Variants in DLG2 observed in about 807,000 individuals in gnomAD.
DLG2 encodes the protein discs large MAGUK scaffold protein 2, also known as disks large homolog 2.
In DLG2, 45 loss-of-function variants were observed where a neutral mutation model predicts 132.5. The observed-to-expected ratio is 0.34, with a 90% CI of 0.27 to 0.44. DLG2 has a LOEUF of 0.44. Among genes scored for constraint, DLG2 ranks in the 20% least tolerant of loss-of-function variants. The pLI, the probability that DLG2 is intolerant of heterozygous loss-of-function variation, is 1.00. For synonymous variants in DLG2, 424 were observed against 419.6 expected (o/e 1.01, Z -0.13); for missense variants, 1,045 against 1,196.9 (o/e 0.87, Z 1.87).
At chr11:84,477,354 G>A (rs1345844538) in intron 7 of DLG2, among the ~76,000 whole-genome samples, 1 of 151,940 alleles carries the variant, frequency 6.6e-6, no homozygotes, top group Non-Finnish European at 1.5e-5. Flanking sequence ...AATTGGCCAG[G>A]CATGGTGGTA....
intron 7 of DLG2, among the ~76,000 whole-genome samples, chr11:84,427,000 T>G (rs1286547464): frequency 1.3e-5 from 2 of 152,114 alleles, no homozygotes; most frequent in Non-Finnish European, 2.9e-5. Context: ...TTCCAACTAG[T>G]TAAAGAAAGA....
intron 21 of DLG2, among the ~76,000 whole-genome samples, chr11:83,511,073 A>AACACAC (rs142149345): frequency 9.0e-5 from 8 of 88,410 alleles, no homozygotes; most frequent in African/African-American, 3.2e-4. Context: ...CACTTGCTCA[A>AACACAC]ACACACACAC....
At chr11:84,403,023 ATG>A (rs2098836151) in intron 7 of DLG2, among the ~76,000 whole-genome samples, 1 of 151,544 alleles carries the variant, frequency 6.6e-6, no homozygotes, top group African/African-American at 2.4e-5. Flanking sequence ...TGGCTAGAGG[ATG>A]GAGTGGTATA....
chr11:83,673,939 C>T (rs2077268383), intron 18 of DLG2, among the ~76,000 whole-genome samples: 1 of 152,252 alleles, frequency 6.6e-6, no homozygotes, highest in Non-Finnish European at 1.5e-5. Flanking sequence ...CCTGACCTGT[C>T]TTTCCAGACA....
intron 7 of DLG2, among the ~76,000 whole-genome samples, chr11:84,477,537 C>T (rs2099125086): frequency 6.6e-6 from 1 of 151,968 alleles, no homozygotes; most frequent in Admixed American, 6.6e-5. Context: ...ACTTCCTCTC[C>T]AAAACCATTA....
intron 19 of DLG2, among the ~76,000 whole-genome samples, chr11:83,580,647 T>A (rs910624176): frequency 3.3e-5 from 5 of 152,202 alleles, no homozygotes; most frequent in African/African-American, 1.2e-4. Flanking sequence ...GGGTGATATA[T>A]TTGTCTACTT....
Position 83,500,316 on chromosome 11 carries a change from C to T in DLG2, c.2194-16088G>A, listed in dbSNP as rs921928518. On this transcript the variant is annotated intron_variant, in intron 21 of 27. Transcript: ENST00000376104. Reference sequence around the variant, plus strand: ...TTAGGCAAGCCTTCTAACAAGGTGCCGTCATTCTGAACACAGGGCTTTGGC... The same window carrying T: ...TTAGGCAAGCCTTCTAACAAGGTGCTGTCATTCTGAACACAGGGCTTTGGC... Among the ~76,000 whole-genome samples the T allele has an allele frequency of 5.3e-5, 8 of 151,924 alleles. No individual in the cohort carries two copies. The South Asian group carries it at 8.3e-4, about 16-fold the overall frequency.
At chr11:85,076,183 T>C (rs112329911) in intron 6 of DLG2, among the ~76,000 whole-genome samples, 1 of 152,106 alleles carries the variant, frequency 6.6e-6, no homozygotes, top group Non-Finnish European at 1.5e-5. Context: ...TCAAAAAGCT[T>C]ATCAGTCTTG....
At chr11:84,531,459 T>A (rs2099340268) in intron 7 of DLG2, among the ~76,000 whole-genome samples, 1 of 152,194 alleles carries the variant, frequency 6.6e-6, no homozygotes, top group Non-Finnish European at 1.5e-5. Flanking sequence ...CCTGCACATG[T>A]ACCACTGTAC....
intron 7 of DLG2, among the ~76,000 whole-genome samples, chr11:84,342,330 T>C (rs2098518757): frequency 6.6e-6 from 1 of 152,248 alleles, no homozygotes. Context: ...TAAGTACTAA[T>C]ACAGCAGGAG....
chr11:84,711,377 AGAGATC>A lies in DLG2; in HGVS notation c.358-176652_358-176647del, dbSNP rs1382526931. On this transcript the variant is annotated intron_variant, in intron 6 of 27. Transcript: ENST00000376104. ...GAGAGAGAGAGAGAGAGAGAGAGAGAGAGATCGATCGATCTAGCTATCCTCCCCCAC... is the reference window on the plus strand; with the variant it reads ...GAGAGAGAGAGAGAGAGAGAGAGAGAGATCGATCTAGCTATCCTCCCCCAC... Among the ~76,000 whole-genome samples the A allele has an allele frequency of 4.7e-3, 306 of 65,806 alleles. 4 individuals are homozygous for A. Among genetic ancestry groups the A allele is most frequent in the African/African-American group, 0.03 (128 of 4,250 alleles). 43.2% of individuals were successfully genotyped at this position (65,806 alleles called of 152,430 possible).
intron 16 of DLG2, among the ~76,000 whole-genome samples, chr11:83,852,208 A>G (rs772425703): frequency 6.6e-6 from 1 of 152,218 alleles, no homozygotes; most frequent in Non-Finnish European, 1.5e-5. Context: ...TCTGAGACCT[A>G]GGAAGCTAAT....
chr11:83,555,829 C>T (rs986866838), intron 19 of DLG2, among the ~76,000 whole-genome samples: 1 of 152,174 alleles, frequency 6.6e-6, no homozygotes, highest in Non-Finnish European at 1.5e-5. Flanking sequence ...AAAATCTTCT[C>T]TTCTTTTATT....
At chr11:85,321,411 G>A (rs935213931) in intron 3 of DLG2, among the ~76,000 whole-genome samples, 10 of 151,930 alleles carry the variant, frequency 6.6e-5, no homozygotes, top group Non-Finnish European at 1.5e-5. Context: ...TATAACTAGA[G>A]ATATAAATTT....
At chr11:83,897,311 A>C (rs2072041326) in intron 15 of DLG2, among the ~76,000 whole-genome samples, 1 of 152,208 alleles carries the variant, frequency 6.6e-6, no homozygotes, top group African/African-American at 2.4e-5. Flanking sequence ...AAAAATATTA[A>C]GAAAGAAGCA....
chr11:84,949,975 A>G (rs1490440621), intron 6 of DLG2, among the ~76,000 whole-genome samples: 1 of 152,234 alleles, frequency 6.6e-6, no homozygotes, highest in Non-Finnish European at 1.5e-5. Flanking sequence ...AAGAAATTAC[A>G]AAACTATTAA....
At chr11:84,319,505 C>A (rs1257168510) in intron 7 of DLG2, among the ~76,000 whole-genome samples, 1 of 152,178 alleles carries the variant, frequency 6.6e-6, no homozygotes, top group Non-Finnish European at 1.5e-5. Context: ...GGTTCTCATC[C>A]ATTTGCCTCT....
At chr11:85,334,962 G>A (rs2082024835) in intron 3 of DLG2, among the ~76,000 whole-genome samples, 1 of 152,020 alleles carries the variant, frequency 6.6e-6, no homozygotes, top group Non-Finnish European at 1.5e-5. Context: ...CTTGAGTTTA[G>A]GTCCTGAATG....
chr11:84,711,581 C>A (rs891958536), intron 6 of DLG2, among the ~76,000 whole-genome samples: 4 of 151,836 alleles, frequency 2.6e-5, no homozygotes, highest in Admixed American at 2.0e-4. Flanking sequence ...AGCACAAAAG[C>A]CAGCAGGCTC....
Sources: allele counts gnomAD v4.1 joint callset (sites outside exome capture counted in the v4.1 genomes callset), GRCh38; gene constraint gnomAD v4.1.1; transcripts MANE v1.5; gene names NCBI Gene and HGNC (gene_info 2026-07-23, HGNC 2026-07-21).